Variants in ADCY10 observed in about 807,000 individuals in gnomAD.
ADCY10 encodes the protein adenylate cyclase 10.
Under a neutral mutation model 183.3 loss-of-function variants are expected in ADCY10, and 156 were observed. The observed-to-expected ratio is 0.85, with a 90% CI of 0.75 to 0.97. ADCY10 has a LOEUF of 0.97. Ranked by LOEUF, ADCY10 falls within the 50% of genes least tolerant of loss-of-function variation. The probability of loss-of-function intolerance (pLI) is 0.00; values close to 1 mark genes in which losing one functional copy is unlikely to be tolerated. For synonymous variants in ADCY10, 645 were observed against 670.0 expected (o/e 0.96, Z 0.58); for missense variants, 1,745 against 1,934.3 (o/e 0.90, Z 1.84).
intron 13 of ADCY10, among the ~76,000 whole-genome samples, chr1:167,874,129 C>T (rs2102187040): frequency 6.6e-6 from 1 of 152,208 alleles, no homozygotes; most frequent in South Asian, 2.1e-4. Context: ...GTTAGGAGAT[C>T]AAGACCAGTC....
chr1:167,904,067 G>A (rs1278013731), intron 2 of ADCY10, 76 bp from the exon 3 acceptor site: 18 of 907,524 alleles, frequency 2.0e-5, no homozygotes, highest in Non-Finnish European at 1.8e-6. Context: ...TACCCTGGAA[G>A]GCAGCGGGCC....
intron 5 of ADCY10, among the ~76,000 whole-genome samples, chr1:167,901,084 T>C (rs966906608): frequency 1.3e-5 from 2 of 152,202 alleles, no homozygotes; most frequent in African/African-American, 4.8e-5. Context: ...AGGACTGTCA[T>C]ATAGTGTGCG....
chr1:167,911,292 A>G (rs1670133626), intron 1 of ADCY10, among the ~76,000 whole-genome samples: 1 of 152,204 alleles, frequency 6.6e-6, no homozygotes, highest in African/African-American at 2.4e-5. Context: ...CTTAAAAGCA[A>G]AATTTATTCA....
rs138916377 is a variant in ADCY10, at chr1:167,884,632, A to G, written c.829-1004T>C. Among the ~76,000 whole-genome samples, 345 of 142,056 alleles carry G rather than the reference A, an allele frequency of 2.4e-3. 4 individuals are homozygous for G. The highest frequency in any genetic ancestry group is 8.7e-3 in the African/African-American group (327 of 37,750). The allele number at this position is 142,056 out of a possible 152,430, so 93.2% of individuals were successfully genotyped here. On this transcript the variant is annotated intron_variant, in intron 8 of 32. Coordinates refer to ENST00000367851, the MANE Select transcript of ADCY10 (RefSeq NM_018417.6). ...CCCCAATTCCTCCTCATCCCCCACTACCCTTCCCAGCCTTTGGTAACCATC... is the reference window on the plus strand; with the variant it reads ...CCCCAATTCCTCCTCATCCCCCACTGCCCTTCCCAGCCTTTGGTAACCATC...
chr1:167,839,972 C>A (rs953517036), intron 21 of ADCY10, among the ~76,000 whole-genome samples: 1 of 151,378 alleles, frequency 6.6e-6, no homozygotes, highest in African/African-American at 2.4e-5. Flanking sequence ...ATAATCCCAA[C>A]ACTTTGGGAG....
intron 1 of ADCY10, among the ~76,000 whole-genome samples, chr1:167,907,754 T>C (rs898543037): frequency 6.6e-6 from 1 of 152,248 alleles, no homozygotes; most frequent in East Asian, 1.9e-4. Context: ...ATTAAACTTT[T>C]AAATCAAGAG....
At position 167,856,426 on chromosome 1, in the gene ADCY10, T is replaced by C. The variant is rs923225076; in HGVS notation, c.1910A>G (p.Glu637Gly). The stretch of plus-strand genomic sequence containing the variant: ...CTCATCAATGATAAAAATAATCCTT[T>C]CCTCTTTCACTATCTGGACAAGATG... ...MKILKLIVKE[E>G]RIIFIIDEAQ... is the part of the protein sequence containing the mutation. Residue 637 changes from glutamate to glycine, a missense_variant, in exon 17 of 33, where the codon GAA (glutamate) becomes GGA (glycine). Transcript: ENST00000367851. 3.1e-6 allele frequency: 5 copies of C among 1,614,004 alleles called. No homozygotes were observed. The highest frequency in any genetic ancestry group is 4.2e-6 in the Non-Finnish European group (5 of 1,180,040).
intron 3 of ADCY10, among the ~76,000 whole-genome samples, chr1:167,903,128 CGCCTGTAACCCCA>C (rs1669557480): frequency 6.6e-6 from 1 of 151,472 alleles, no homozygotes; most frequent in Non-Finnish European, 1.5e-5. Flanking sequence ...TGGTGGCGCA[CGCCTGTAACCCCA>C]GCTACGTGTG....
chr1:167,871,577 T>C (rs1380946501), intron 13 of ADCY10, among the ~76,000 whole-genome samples: 1 of 152,216 alleles, frequency 6.6e-6, no homozygotes, highest in Non-Finnish European at 1.5e-5. Flanking sequence ...GTCAAAAAAG[T>C]TGGAGACTCA....
At chr1:167,879,314 T>C (rs568525219) in intron 11 of ADCY10, among the ~76,000 whole-genome samples, 6 of 152,336 alleles carry the variant, frequency 3.9e-5, no homozygotes, top group African/African-American at 1.4e-4. Context: ...CGTTTATCAC[T>C]TTCAACAGCA....
At chr1:167,846,371 G>T in intron 19 of ADCY10, 108 bp from the exon 20 acceptor site, 1 of 1,397,318 alleles carries the variant, frequency 7.2e-7, no homozygotes, top group Non-Finnish European at 1.0e-6. Flanking sequence ...AGTTCTTGTT[G>T]CAAGAAACTC....
At chr1:167,868,641 T>C (rs1666867832) in intron 14 of ADCY10, among the ~76,000 whole-genome samples, 1 of 152,196 alleles carries the variant, frequency 6.6e-6, no homozygotes, top group Non-Finnish European at 1.5e-5. Context: ...GGTAGTTGTG[T>C]TATTGGCACT....
At chr1:167,891,403 T>A (rs1305221490) in intron 8 of ADCY10, among the ~76,000 whole-genome samples, 1 of 151,164 alleles carries the variant, frequency 6.6e-6, no homozygotes, top group African/African-American at 2.4e-5. Flanking sequence ...ACATCTGTAA[T>A]CCCAGCACTT....
At chr1:167,891,666 A>C (rs1191161427) in intron 8 of ADCY10, among the ~76,000 whole-genome samples, 1 of 151,532 alleles carries the variant, frequency 6.6e-6, no homozygotes, top group East Asian at 2.0e-4. Context: ...AAAAAAAAAA[A>C]AAAAAGAAAG....
chr1:167,873,730 G>GT (rs1202070847), intron 13 of ADCY10, among the ~76,000 whole-genome samples: 1 of 151,962 alleles, frequency 6.6e-6, no homozygotes, highest in East Asian at 1.9e-4. Flanking sequence ...AATATAAAAG[G>GT]TAAAAACAAA....
intron 25 of ADCY10, among the ~76,000 whole-genome samples, chr1:167,831,521 G>A (rs1421680310): frequency 1.3e-5 from 2 of 152,128 alleles, no homozygotes; most frequent in East Asian, 1.9e-4. Flanking sequence ...TAGGGCATTC[G>A]TGAGGGTCAT....
chr1:167,846,212 A>G lies in ADCY10; in HGVS notation c.2489T>C (p.Val830Ala), dbSNP rs1665017027. Reference sequence around the variant, plus strand: ...CAGGCCAATGATGGCAGCACATCTCACCAGCATTTGGTGGGAAAGTCTCAT... The same window carrying G: ...CAGGCCAATGATGGCAGCACATCTCGCCAGCATTTGGTGGGAAAGTCTCAT... ...DSMRLSHQML[V>A]RCAAIIGLTF... The change falls in exon 20 of 33, where the codon GTG (valine) becomes GCG (alanine). Residue 830 changes from valine (V) to alanine (A), a missense_variant. Val to Ala is a moderately conservative substitution (Grantham distance 64). Coordinates refer to ENST00000367851, the MANE Select transcript of ADCY10 (RefSeq NM_018417.6). 3.1e-6 allele frequency: 5 copies of G among 1,613,856 alleles called. No homozygotes were observed. Among genetic ancestry groups the G allele is most frequent in the Non-Finnish European group, 4.2e-6 (5 of 1,179,712 alleles).
In ADCY10 at chr1:167,819,276, GT is replaced by G. The variant is rs910932859; in HGVS notation, c.4287-1010del. Among the ~76,000 whole-genome samples, 51 of 137,042 alleles carry G rather than the reference GT, an allele frequency of 3.7e-4. 1 individual carries two copies. The highest frequency in any genetic ancestry group is 1.3e-3 in the South Asian group (6 of 4,462). The allele number at this position is 137,042 out of a possible 152,430, so 89.9% of individuals were successfully genotyped here. A position where few individuals can be genotyped will look rare whatever the true frequency, so the allele number is the denominator to read the frequency against. ...TTTTTTTTTTTTTTTTTTAGATGGA[GT>G]TTCACCCTTGTTGACCAGGCTGGAG... is the stretch of plus-strand genomic sequence containing the variant. On this transcript the variant is annotated intron_variant, in intron 30 of 32. Transcript: ENST00000367851.
chr1:167,860,768 G>C lies in ADCY10; in HGVS notation c.1809+103C>G, dbSNP rs7518237. On this transcript the variant is annotated intron_variant, in intron 15 of 32. Transcript: ENST00000367851. ...GCCATTTACTCACCATCTGGATACTGCAGATATACAGACCAAAGAGATGCT... is the reference window on the plus strand; with the variant it reads ...GCCATTTACTCACCATCTGGATACTCCAGATATACAGACCAAAGAGATGCT... 175,599 of 943,854 alleles carry C rather than the reference G, an allele frequency of 0.19. 20,798 individuals carry two copies. Among genetic ancestry groups the C allele is most frequent in the East Asian group, 0.42 (17,333 of 41,624 alleles). 58.5% of individuals were successfully genotyped at this position (943,854 alleles called of 1,614,324 possible). A position where few individuals can be genotyped will look rare whatever the true frequency, so the allele number is the denominator to read the frequency against.
Sources: allele counts gnomAD v4.1 joint callset (sites outside exome capture counted in the v4.1 genomes callset), GRCh38; gene constraint gnomAD v4.1.1; transcripts MANE v1.5; gene names NCBI Gene and HGNC (gene_info 2026-07-23, HGNC 2026-07-21).